Variants in COCH observed in about 807,000 individuals in gnomAD.
The protein encoded by COCH is coagulation factor C homolog, cochlin (Limulus polyphemus).
Under a neutral mutation model 54.8 loss-of-function variants are expected in COCH, and 40 were observed. That is an observed-to-expected ratio of 0.73 (90% CI 0.57 to 0.95). The LOEUF is 0.95. Ranked by LOEUF, COCH falls within the 40% of genes least tolerant of loss-of-function variation. COCH has a pLI of 0.00. For missense variants in COCH, 605 were observed against 675.0 expected (o/e 0.90, Z 1.15); for synonymous variants, 256 against 237.9 (o/e 1.08, Z -0.70).
chr14:30,878,735 C>A (rs1895461599), intron 4 of COCH, 76 bp from the exon 5 acceptor site: 6 of 1,601,092 alleles, frequency 3.7e-6, no homozygotes, highest in South Asian at 1.1e-5. Flanking sequence ...GCAATAGATA[C>A]AACATGGCAC....
chr14:30,888,011 T>C (rs17446154), intron 11 of COCH, among the ~76,000 whole-genome samples: 32,328 of 152,052 alleles, frequency 0.21, 3,664 homozygotes, highest in Middle Eastern at 0.3. Context: ...TATCCCTTAG[T>C]GATATTGAAA....
chr14:30,876,125 A>T (rs1285728351), intron 3 of COCH: 2 of 152,222 alleles, frequency 1.3e-5, no homozygotes, highest in Non-Finnish European at 2.9e-5. Flanking sequence ...TGCCTTGGAA[A>T]AAAAAGGTTT....
At position 30,882,120 on chromosome 14, in the gene COCH, G is replaced by GTTTTTTTTTTTTTTTTTTTTTTTTTT. The variant is rs61175020; in HGVS notation, c.629+1388_629+1413dup. On this transcript the variant is annotated intron_variant, in intron 8 of 11. Coordinates refer to ENST00000396618, the MANE Select transcript of COCH (RefSeq NM_004086.3). ...CCCTAGAGATAATCACTATAAAATG[G>GTTTTTTTTTTTTTTTTTTTTTTTTTT]TTTTTTTTTTTTTTTTTTTTTTTTT... Among the ~76,000 whole-genome samples the GTTTTTTTTTTTTTTTTTTTTTTTTTT allele has an allele frequency of 5.2e-4, 35 of 67,914 alleles. 6 individuals carry two copies. The highest frequency in any genetic ancestry group is 7.9e-4 in the Non-Finnish European group (29 of 36,942). 44.6% of individuals were successfully genotyped at this position (67,914 alleles called of 152,430 possible).
At chr14:30,892,913 A>G (rs1896020813), downstream of COCH, among the ~76,000 whole-genome samples, 1 of 152,142 alleles carries the variant, frequency 6.6e-6, no homozygotes, top group Non-Finnish European at 1.5e-5. Context: ...CTCAGTGTAC[A>G]ATGTAATTTC....
In COCH at chr14:30,874,980, C is replaced by G. The variant is rs761547940; in HGVS notation, c.34+8C>G. 2 of 1,613,162 alleles carry G rather than the reference C, an allele frequency of 1.2e-6. No homozygotes were observed. The highest frequency in any genetic ancestry group is 8.5e-7 in the Non-Finnish European group (1 of 1,179,844). The stretch of plus-strand genomic sequence containing the variant: ...TCCCGGCTCTCGGCCTCGGTGGGTG[C>G]GCGCCCCTCACGACCCCGGCCCCTT... On this transcript the variant is annotated splice_region_variant and intron_variant, in intron 2 of 11. Coordinates refer to ENST00000396618, the MANE Select transcript of COCH (RefSeq NM_004086.3).
chr14:30,892,821 A>C, downstream of COCH, among the ~76,000 whole-genome samples: 1 of 142,754 alleles, frequency 7.0e-6, no homozygotes, highest in East Asian at 1.9e-4. Flanking sequence ...TCAAAAAAAA[A>C]AAACAAAAAA....
In COCH at chr14:30,881,802, C is replaced by CAA. The variant is rs74318936; in HGVS notation, c.629+1079_629+1080dup. Among the ~76,000 whole-genome samples the CAA allele has an allele frequency of 3.7e-3, 538 of 144,734 alleles. 5 individuals are homozygous for CAA. Among genetic ancestry groups the CAA allele is most frequent in the African/African-American group, 0.012 (489 of 39,664 alleles). 95.0% of individuals were successfully genotyped at this position (144,734 alleles called of 152,430 possible). On this transcript the variant is annotated intron_variant, in intron 8 of 11. Transcript: ENST00000396618. Reference sequence around the variant, plus strand: ...GGAAACCCCGTCTCTACTAAAAATACAAAAAAAAAAAATTAGCCGGGCGTG... The same window carrying CAA: ...GGAAACCCCGTCTCTACTAAAAATACAAAAAAAAAAAAAATTAGCCGGGCGTG...
downstream of COCH, among the ~76,000 whole-genome samples, chr14:30,893,249 T>G (rs1346086648): frequency 2.7e-5 from 4 of 145,866 alleles, no homozygotes; most frequent in Non-Finnish European, 4.5e-5. Flanking sequence ...CCTCCCGGAC[T>G]CACACCTCAG....
At chr14:30,886,355 G>T (rs775494934) in intron 11 of COCH, 43 bp downstream of exon 11, 2 of 1,605,336 alleles carry the variant, frequency 1.2e-6, no homozygotes, top group Non-Finnish European at 1.7e-6. Flanking sequence ...CAGAAAAAAC[G>T]GTTCAGTGAA....
intron 3 of COCH, chr14:30,875,383 G>C: frequency 3.3e-6 from 2 of 602,522 alleles, no homozygotes; most frequent in South Asian, 4.0e-5. Context: ...CACAGCCCCA[G>C]ACCCCGGGCC....
downstream of COCH, among the ~76,000 whole-genome samples, chr14:30,893,176 GAC>G (rs1235504247): frequency 1.0e-5 from 1 of 98,802 alleles, no homozygotes; most frequent in Non-Finnish European, 1.9e-5. Context: ...TTTTTTTTGA[GAC>G]GGAGTCTCTG....
At chr14:30,891,452 G>T (rs1895980489), downstream of COCH, among the ~76,000 whole-genome samples, 1 of 152,258 alleles carries the variant, frequency 6.6e-6, no homozygotes, top group Middle Eastern at 3.4e-3. Flanking sequence ...GGAATAAAAG[G>T]ACTACATGCA....
At chr14:30,883,439 T>C (rs75130973) in intron 8 of COCH, among the ~76,000 whole-genome samples, 2 of 152,352 alleles carry the variant, frequency 1.3e-5, no homozygotes, top group African/African-American at 4.8e-5. Context: ...CAAGTTTATA[T>C]GTATGTAAGT....
At position 30,890,141 on chromosome 14, in the gene COCH, C is replaced by A; in HGVS notation, c.*350C>A. On this transcript the variant is annotated 3_prime_UTR_variant, in exon 12 of 12. Transcript: ENST00000396618. ...AAGAATCTGATACTTAGACCAAAAG[C>A]AACATTCGTTCTCTAACCATTCTGT... is the stretch of plus-strand genomic sequence containing the variant. 9.9e-7 allele frequency: 1 copy of A among 1,011,436 alleles called. No individual in the cohort carries two copies. The allele number at this position is 1,011,436 out of a possible 1,614,324, so 62.7% of individuals were successfully genotyped here.
intron 8 of COCH, 50 bp downstream of exon 8, chr14:30,880,784 T>C (rs754109123): frequency 7.5e-7 from 1 of 1,336,872 alleles, no homozygotes; most frequent in South Asian, 1.2e-5. Flanking sequence ...TATTTTGTAA[T>C]TGACACATAA....
chr14:30,886,819 G>A (rs1895806186), intron 11 of COCH, among the ~76,000 whole-genome samples: 1 of 152,162 alleles, frequency 6.6e-6, no homozygotes, highest in African/African-American at 2.4e-5. Flanking sequence ...TTGGGCTCAA[G>A]CAATCCTCCT....
chr14:30,877,722 T>TC lies in COCH; in HGVS notation c.235dup (p.His79ProfsTer16). The TC allele has an allele frequency of 6.2e-7, 1 of 1,614,192 alleles. No homozygotes were observed. Among genetic ancestry groups the TC allele is most frequent in the Non-Finnish European group, 8.5e-7 (1 of 1,180,028 alleles). Reference sequence around the variant, plus strand: ...GTATCGAGCATATGTGGGGCTGCTGTCCACAGGTAAGCCCAAACACACCAG... The same window carrying TC: ...GTATCGAGCATATGTGGGGCTGCTGTCCCACAGGTAAGCCCAAACACACCAG... On this transcript the variant is annotated frameshift_variant, in exon 4 of 12. Transcript: ENST00000396618. LOFTEE classifies it high-confidence loss of function. The surrounding 1 kb of genome is among the most constrained non-coding windows in gnomAD (Gnocchi z 8.6).
intron 8 of COCH, among the ~76,000 whole-genome samples, chr14:30,883,079 CT>C (rs1288831698): frequency 6.6e-6 from 1 of 152,090 alleles, no homozygotes; most frequent in Non-Finnish European, 1.5e-5. Context: ...GAAAATTTAA[CT>C]GTTTTAACAT....
chr14:30,885,221 G>A (rs1269751206), intron 9 of COCH, 173 bp from the exon 10 acceptor site: 12 of 955,720 alleles, frequency 1.3e-5, no homozygotes, highest in Non-Finnish European at 1.9e-5. Context: ...AACTTTCCCA[G>A]CTGATGCATC....
Sources: allele counts gnomAD v4.1 joint callset (sites outside exome capture counted in the v4.1 genomes callset), GRCh38; gene constraint gnomAD v4.1.1; non-coding constraint Gnocchi (gnomAD v3.1); transcripts MANE v1.5; gene names NCBI Gene and HGNC (gene_info 2026-07-23, HGNC 2026-07-21).